YWHAE: variants seen among roughly 807,000 people sequenced by gnomAD.
YWHAE encodes the protein tyrosine 3-monooxygenase/tryptophan 5-monooxygenase activation protein epsilon.
In YWHAE, 4 loss-of-function variants were observed where a neutral mutation model predicts 30.1. The ratio of observed to expected loss-of-function variants is 0.13; its 90% CI spans 0.07 to 0.30. YWHAE has a LOEUF of 0.30. Ranked by LOEUF, YWHAE falls within the 10% of genes least tolerant of loss-of-function variation. The pLI, the probability that YWHAE is intolerant of heterozygous loss-of-function variation, is 1.00. For missense variants in YWHAE, 121 were observed against 315.9 expected, an observed-to-expected ratio of 0.38 and a Z score of 4.68; for synonymous variants, 118 against 111.8, an observed-to-expected ratio of 1.06 and a Z score of -0.35.
At chr17:1,370,291 G>GCT (rs1039695505) in intron 1 of YWHAE, among the ~76,000 whole-genome samples, 2 of 150,072 alleles carry the variant, frequency 1.3e-5, no homozygotes, top group East Asian at 4.0e-4. Flanking sequence ...CATGCCCAGT[G>GCT]AATTTTTTTG....
At chr17:1,385,628 C>T (rs1347550901) in intron 1 of YWHAE, among the ~76,000 whole-genome samples, 1 of 151,914 alleles carries the variant, frequency 6.6e-6, no homozygotes, top group Non-Finnish European at 1.5e-5. Flanking sequence ...GTAGGTTTTT[C>T]AGAGGGTGGG....
At chr17:1,347,453 G>A (rs528991304) in intron 5 of YWHAE, among the ~76,000 whole-genome samples, 3 of 151,740 alleles carry the variant, frequency 2.0e-5, no homozygotes, top group East Asian at 1.9e-4. Context: ...CTGCACTCCA[G>A]GCGGGGCAAC....
At chr17:1,399,881 A>G (rs1479279722) in intron 1 of YWHAE, 166 bp downstream of exon 1, 3 of 789,300 alleles carry the variant, frequency 3.8e-6, no homozygotes, top group Non-Finnish European at 6.4e-6. Context: ...CAGGGCATAG[A>G]GCCTCCCATC....
chr17:1,345,938 T>C (rs1027793662), intron 5 of YWHAE, among the ~76,000 whole-genome samples: 1 of 152,226 alleles, frequency 6.6e-6, no homozygotes, highest in African/African-American at 2.4e-5. Flanking sequence ...TGCTTCAAAA[T>C]AGTTAACTGA....
chr17:1,381,961 A>C (rs943337698), intron 1 of YWHAE, among the ~76,000 whole-genome samples: 3 of 151,628 alleles, frequency 2.0e-5, no homozygotes, highest in East Asian at 3.9e-4. Flanking sequence ...GGAAAAAAAA[A>C]CACAGATATA....
rs373761548 is a variant in YWHAE, at chr17:1,374,130, T to A, written c.65-9072A>T. Among the ~76,000 whole-genome samples, 9 of 152,070 alleles carry A rather than the reference T, an allele frequency of 5.9e-5. No individual in the cohort carries two copies. The South Asian group carries it at 8.3e-4, about 14-fold the overall frequency. On this transcript the variant is annotated intron_variant, in intron 1 of 5. Coordinates refer to ENST00000264335, the MANE Select transcript of YWHAE (RefSeq NM_006761.5). The stretch of plus-strand genomic sequence containing the variant: ...AGTTCAGACCAGCCTGGCCAAAACA[T>A]GGCAAAACCCCGTCTCTACTAAAAA...
At chr17:1,347,564 C>CA (rs201081992) in intron 5 of YWHAE, among the ~76,000 whole-genome samples, 11 of 150,402 alleles carry the variant, frequency 7.3e-5, no homozygotes, top group East Asian at 1.9e-4. Flanking sequence ...TATGCAAAGG[C>CA]AAAAAAAAAT....
chr17:1,379,529 A>G (rs977767984), intron 1 of YWHAE, among the ~76,000 whole-genome samples: 1 of 152,188 alleles, frequency 6.6e-6, no homozygotes, highest in Admixed American at 6.6e-5. Flanking sequence ...TCGAATGACG[A>G]AAAAAACTAT....
In YWHAE at chr17:1,359,908, A is replaced by C. The variant is rs1260184676; in HGVS notation, c.578+1184T>G. Among the ~76,000 whole-genome samples the C allele has an allele frequency of 3.3e-4, 16 of 48,068 alleles. 1 individual carries two copies. The highest frequency in any genetic ancestry group is 1.3e-3 in the African/African-American group (15 of 11,318). The allele number at this position is 48,068 out of a possible 152,430, so 31.5% of individuals were successfully genotyped here. A position where few individuals can be genotyped will look rare whatever the true frequency, so the allele number is the denominator to read the frequency against. ...GAGGGAGAGGGAGACGGGGAGAGAG[A>C]GGGAGACGGGGAGGGGGAGGGGGGG... On this transcript the variant is annotated intron_variant, in intron 4 of 5. Transcript: ENST00000264335.
intron 2 of YWHAE, 192 bp downstream of exon 2, chr17:1,364,665 GTT>G (rs1354994194): frequency 3.0e-6 from 2 of 670,444 alleles, no homozygotes; most frequent in African/African-American, 3.6e-5. Flanking sequence ...TACAGACTAT[GTT>G]TTGTCCTCAT....
intron 4 of YWHAE, among the ~76,000 whole-genome samples, chr17:1,355,127 A>ACC (rs2072715401): frequency 1.1e-5 from 1 of 90,568 alleles, no homozygotes; most frequent in African/African-American, 3.4e-5. Flanking sequence ...AAAAAAAAAA[A>ACC]AAAAAAAAAA....
chr17:1,375,536 C>T (rs553875452), intron 1 of YWHAE, among the ~76,000 whole-genome samples: 6 of 152,118 alleles, frequency 3.9e-5, no homozygotes, highest in Non-Finnish European at 7.3e-5. Context: ...TTTGGATCCA[C>T]GGGCAGTTTT....
intron 1 of YWHAE, among the ~76,000 whole-genome samples, chr17:1,390,816 C>T (rs2073378436): frequency 6.6e-6 from 1 of 152,086 alleles, no homozygotes; most frequent in South Asian, 2.1e-4. Flanking sequence ...ACAACAGATC[C>T]GTCCAGCTAC....
chr17:1,345,571 G>T, intron 5 of YWHAE, 72 bp from the exon 6 acceptor site: 2 of 1,494,388 alleles, frequency 1.3e-6, no homozygotes, highest in Non-Finnish European at 1.9e-6. Context: ...AAACAAAGGT[G>T]TCATTCCAAG....
At position 1,400,149 on chromosome 17, in the gene YWHAE, A is replaced by G; in HGVS notation, c.-39T>C. 6.2e-7 allele frequency: 1 copy of G among 1,612,060 alleles called. No individual in the cohort carries two copies. Among genetic ancestry groups the G allele is most frequent in the South Asian group, 1.1e-5 (1 of 91,052 alleles). Reference sequence around the variant, plus strand: ...CCGGCAGGGTCTGCGCGACGGATGGAAGCGGATAGTGTCTCCGACTCTCTC... The same window carrying G: ...CCGGCAGGGTCTGCGCGACGGATGGGAGCGGATAGTGTCTCCGACTCTCTC... On this transcript the variant is annotated 5_prime_UTR_variant, in exon 1 of 6. Coordinates refer to ENST00000264335, the MANE Select transcript of YWHAE (RefSeq NM_006761.5).
chr17:1,378,314 A>C (rs1398974253), intron 1 of YWHAE, among the ~76,000 whole-genome samples: 1 of 152,230 alleles, frequency 6.6e-6, no homozygotes, highest in African/African-American at 2.4e-5. Context: ...CTTTCAAATA[A>C]TCTGATTCAG....
intron 1 of YWHAE, among the ~76,000 whole-genome samples, chr17:1,380,506 T>C (rs1941964617): frequency 6.6e-6 from 1 of 152,176 alleles, no homozygotes; most frequent in African/African-American, 2.4e-5. Flanking sequence ...TATCCAGCCC[T>C]GAGTTATGAG....
Position 1,354,344 on chromosome 17 carries a change from C to T in YWHAE, c.582G>A (p.Leu194=), listed in dbSNP as rs1246847932. 3 of 1,613,426 alleles carry T rather than the reference C, an allele frequency of 1.9e-6. No individual in the cohort carries two copies. Among genetic ancestry groups the T allele is most frequent in the Non-Finnish European group, 2.5e-6 (3 of 1,179,838 alleles). Residue 194 remains leucine, a synonymous_variant, in exon 5 of 6, where the codon TTG becomes TTA. Coordinates refer to ENST00000264335, the MANE Select transcript of YWHAE (RefSeq NM_006761.5). ...ILNSPDRACR[L]AKAAFDDAIA... is the part of the protein sequence containing the mutation. ...TTGCATCATCAAAAGCTGCTTTTGC[C>T]AACCTAAAGGTATTTCAATAGAAGT...
rs187075629 is a variant in YWHAE, at chr17:1,391,287, A to G, written c.64+8760T>C. Among the ~76,000 whole-genome samples, 14 of 150,276 alleles carry G rather than the reference A, an allele frequency of 9.3e-5. No individual in the cohort carries two copies. The East Asian group carries it at 2.7e-3, about 29-fold the overall frequency. On this transcript the variant is annotated intron_variant, in intron 1 of 5. Coordinates refer to ENST00000264335, the MANE Select transcript of YWHAE (RefSeq NM_006761.5). ...TTATATTCTGCCAAAGGCTAACTTCATTTGAAAAAAAAAAATTCAACCTCC... is the reference window on the plus strand; with the variant it reads ...TTATATTCTGCCAAAGGCTAACTTCGTTTGAAAAAAAAAAATTCAACCTCC...
Sources: gnomAD v4.1 joint callset for allele counts (sites outside exome capture counted in the v4.1 genomes callset) on GRCh38, gnomAD v4.1.1 for gene constraint, MANE v1.5 for transcripts, NCBI Gene and HGNC (gene_info 2026-07-23, HGNC 2026-07-21) for gene names.